SUMF1: variants seen among roughly 807,000 people sequenced by gnomAD.
SUMF1 encodes the protein formylglycine-generating enzyme.
Under a neutral mutation model 47.6 loss-of-function variants are expected in SUMF1, and 48 were observed. The ratio of observed to expected loss-of-function variants is 1.01; its 90% confidence interval spans 0.80 to 1.28. SUMF1 has a LOEUF of 1.28. Ranked by LOEUF, SUMF1 falls within the 50% of genes most tolerant of loss-of-function variation. SUMF1 has a pLI of 0.00. For synonymous variants in SUMF1, 230 were observed against 192.1 expected, an observed-to-expected ratio of 1.20 and a Z score of -1.63; for missense variants, 571 against 485.4, an observed-to-expected ratio of 1.18 and a Z score of -1.66.
intron 8 of SUMF1, among the ~76,000 whole-genome samples, chr3:4,145,412 G>C (rs1311119932): frequency 1.3e-5 from 2 of 152,060 alleles, no homozygotes; most frequent in African/African-American, 4.8e-5. Context: ...TTGTGGGAAA[G>C]ATCTCCTTAT....
intron 8 of SUMF1, among the ~76,000 whole-genome samples, chr3:4,225,918 T>C (rs1041254453): frequency 6.6e-6 from 1 of 152,062 alleles, no homozygotes; most frequent in Non-Finnish European, 1.5e-5. Context: ...CATCAAGTGA[T>C]GCCAATAAAA....
At chr3:4,293,808 T>C (rs1392840524) in intron 8 of SUMF1, among the ~76,000 whole-genome samples, 1 of 152,224 alleles carries the variant, frequency 6.6e-6, no homozygotes, top group Non-Finnish European at 1.5e-5. Flanking sequence ...AGCTACATAA[T>C]GCCCTTCACT....
chr3:4,271,466 TATAGATAGATAGATAG>T (rs3048196), intron 8 of SUMF1, among the ~76,000 whole-genome samples: 1,232 of 108,468 alleles, frequency 0.011, 3 homozygotes, highest in Non-Finnish European at 0.017. Flanking sequence ...TTATACTATC[TATAGATAGATAGATAG>T]ATAGATAGAT....
chr3:4,326,753 T>C (rs1304647493), intron 8 of SUMF1, among the ~76,000 whole-genome samples: 5 of 152,058 alleles, frequency 3.3e-5, no homozygotes, highest in Non-Finnish European at 7.4e-5. Context: ...ACTCCTGAGC[T>C]CAGGTGATCT....
intron 6 of SUMF1, 92 bp downstream of exon 6, chr3:4,417,036 G>A: frequency 8.6e-7 from 1 of 1,163,090 alleles, no homozygotes; most frequent in Non-Finnish European, 1.3e-6. Flanking sequence ...CACCGTGTGA[G>A]TCACAAAGTG....
intron 7 of SUMF1, among the ~76,000 whole-genome samples, chr3:4,382,336 G>GCACACACACACCACA (rs143701343): frequency 0.047 from 7,084 of 149,410 alleles, 549 homozygotes; most frequent in African/African-American, 0.16. Context: ...ACACATACAT[G>GCACACACACACCACA]CACACACACA....
intron 8 of SUMF1, among the ~76,000 whole-genome samples, chr3:4,191,352 T>C (rs1695311108): frequency 6.6e-6 from 1 of 152,018 alleles, no homozygotes; most frequent in Admixed American, 6.6e-5. Flanking sequence ...AAACGAGGTG[T>C]GTTTAAGGAA....
At chr3:4,375,441 G>A (rs1264974048) in intron 8 of SUMF1, among the ~76,000 whole-genome samples, 6 of 152,164 alleles carry the variant, frequency 3.9e-5, no homozygotes, top group African/African-American at 7.2e-5. Flanking sequence ...GAATGGGGGT[G>A]AGTGAGGAGC....
At chr3:4,068,095 T>C (rs898555280) in intron 9 of SUMF1, among the ~76,000 whole-genome samples, 1 of 152,188 alleles carries the variant, frequency 6.6e-6, no homozygotes, top group African/African-American at 2.4e-5. Context: ...CTGGGCTTCC[T>C]GCCAGGCAGA....
At chr3:4,045,659 A>G (rs928555252) in intron 9 of SUMF1, among the ~76,000 whole-genome samples, 6 of 151,988 alleles carry the variant, frequency 3.9e-5, no homozygotes, top group African/African-American at 1.4e-4. Context: ...TGTTTTCCAG[A>G]TTCTGCATAT....
chr3:4,050,091 G>A lies in SUMF1; in HGVS notation c.1191+18478C>T, dbSNP rs555479058. On this transcript the variant is annotated intron_variant and NMD_transcript_variant, in intron 9 of 12. Transcript: ENST00000448413. Reference sequence around the variant, plus strand: ...TCTGCTTCTGGAGCCTGCAGTCTGGGGTTTACATGGGTACAGGATAGGGGC... The same window carrying A: ...TCTGCTTCTGGAGCCTGCAGTCTGGAGTTTACATGGGTACAGGATAGGGGC... Among the ~76,000 whole-genome samples, 161 of 151,860 alleles carry A rather than the reference G, an allele frequency of 1.1e-3. 1 individual carries two copies. The highest frequency in any genetic ancestry group is 2.1e-3 in the Non-Finnish European group (140 of 67,964).
chr3:4,396,892 T>C (rs1011837059), intron 7 of SUMF1, among the ~76,000 whole-genome samples: 8 of 152,176 alleles, frequency 5.3e-5, no homozygotes, highest in Non-Finnish European at 1.2e-4. Context: ...ATTATAGCTG[T>C]GAAACACAAG....
At chr3:4,322,650 A>C (rs1698861466) in intron 8 of SUMF1, among the ~76,000 whole-genome samples, 1 of 151,312 alleles carries the variant, frequency 6.6e-6, no homozygotes, top group Non-Finnish European at 1.5e-5. Context: ...AAAGAGGGAG[A>C]CCTGCCTATA....
intron 8 of SUMF1, among the ~76,000 whole-genome samples, chr3:4,350,329 A>ATG (rs1305671244): frequency 1.1e-4 from 14 of 129,430 alleles, no homozygotes; most frequent in African/African-American, 4.2e-4. Context: ...GTGTGTGTAT[A>ATG]TGCGTGTGTG....
Position 4,449,268 on chromosome 3 carries a change from C to T in SUMF1, c.517G>A (p.Ala173Thr). 1 of 1,614,104 alleles carries T rather than the reference C, an allele frequency of 6.2e-7. No individual in the cohort carries two copies. The highest frequency in any genetic ancestry group is 1.1e-5 in the South Asian group (1 of 91,074). The change falls in exon 3 of 9, where the codon GCA (alanine) becomes ACA (threonine). Residue 173 changes from alanine (A) to threonine (T), a missense_variant and splice_region_variant. Coordinates refer to ENST00000272902, the MANE Select transcript of SUMF1 (RefSeq NM_182760.4). Reference sequence around the variant, plus strand: ...GAGCCTGTTGAAACATTACTTACTGCCTGTTGAATATTGGTCTTCACTTGC... The same window carrying T: ...GAGCCTGTTGAAACATTACTTACTGTCTGTTGAATATTGGTCTTCACTTGC... ...SEQVKTNIQQAVAAAPWWLPV... is the reference protein window; with the variant it reads ...SEQVKTNIQQTVAAAPWWLPV...
chr3:4,111,057 G>C (rs1055182255), intron 8 of SUMF1, among the ~76,000 whole-genome samples: 1 of 150,232 alleles, frequency 6.7e-6, no homozygotes, highest in African/African-American at 2.5e-5. Context: ...TATTTCAGTT[G>C]ATCAAAGTCA....
intron 8 of SUMF1, chr3:4,229,331 CT>C: frequency 2.4e-6 from 1 of 413,672 alleles, no homozygotes. Flanking sequence ...TCTGGTGAGC[CT>C]TTGATAATCC....
At chr3:4,442,511 G>A (rs1702636175) in intron 3 of SUMF1, among the ~76,000 whole-genome samples, 2 of 151,458 alleles carry the variant, frequency 1.3e-5, no homozygotes, top group South Asian at 2.1e-4. Flanking sequence ...CGCCCGCCTC[G>A]GCCTCCCCAC....
At chr3:4,279,870 A>T (rs1257852244) in intron 8 of SUMF1, among the ~76,000 whole-genome samples, 1 of 152,088 alleles carries the variant, frequency 6.6e-6, no homozygotes, top group Non-Finnish European at 1.5e-5. Flanking sequence ...ACACCAAAAA[A>T]CTGCATGTAC....
Sources: allele counts gnomAD v4.1 joint callset (sites outside exome capture counted in the v4.1 genomes callset), GRCh38; gene constraint gnomAD v4.1.1; transcripts MANE v1.5; gene names NCBI Gene and HGNC (gene_info 2026-07-23, HGNC 2026-07-21).